Variants in NSRP1 observed in about 807,000 individuals in gnomAD.
The protein encoded by NSRP1 is nuclear speckle splicing regulatory protein 1, also known as coiled-coil domain containing 55.
NSRP1 carries 24 observed loss-of-function variants against 54.7 expected under a neutral mutation model. The observed-to-expected ratio is 0.44, with a 90% CI of 0.32 to 0.62. The LOEUF (loss-of-function observed/expected upper bound fraction) is 0.62. Among genes scored for constraint, NSRP1 ranks in the 20% least tolerant of loss-of-function variants. The probability of loss-of-function intolerance (pLI) is 0.06; values close to 1 mark genes in which losing one functional copy is unlikely to be tolerated. For missense variants in NSRP1, 596 were observed against 651.2 expected (o/e 0.92, Z 0.92); for synonymous variants, 210 against 213.8 (o/e 0.98, Z 0.15).
In NSRP1 at chr17:30,185,858, T is replaced by G. The variant is rs547873929; in HGVS notation, c.*184T>G. The G allele has an allele frequency of 3.5e-6, 2 of 573,296 alleles. No individual in the cohort carries two copies. The highest frequency in any genetic ancestry group is 5.7e-5 in the South Asian group (2 of 35,122). 35.5% of individuals were successfully genotyped at this position (573,296 alleles called of 1,614,324 possible). Reference sequence around the variant, plus strand: ...GTTTGGATGTGGATGTTTGGCTGAATTTATATATAGTGTGTACTCATCAAT... The same window carrying G: ...GTTTGGATGTGGATGTTTGGCTGAAGTTATATATAGTGTGTACTCATCAAT... On this transcript the variant is annotated 3_prime_UTR_variant, in exon 7 of 7. Transcript: ENST00000247026.
At chr17:30,177,989 T>C in intron 3 of NSRP1, 82 bp from the exon 4 acceptor site, 3 of 1,408,590 alleles carry the variant, frequency 2.1e-6, no homozygotes, top group Non-Finnish European at 3.0e-6. Flanking sequence ...TTTCAATTTA[T>C]GAACCATTCT....
At chr17:30,125,329 C>T (rs1597593524) in intron 2 of NSRP1, among the ~76,000 whole-genome samples, 1 of 152,126 alleles carries the variant, frequency 6.6e-6, no homozygotes, top group South Asian at 2.1e-4. Flanking sequence ...TTTCTTATTC[C>T]CCTCCTGAGG....
rs1255347301 is a variant in NSRP1, at chr17:30,118,072, A to G, written c.21-8A>G. On this transcript the variant is annotated splice_region_variant and splice_polypyrimidine_tract_variant and intron_variant, in intron 1 of 6. Transcript: ENST00000247026. Reference sequence around the variant, plus strand: ...GTTTAATTTCTATTTCAAAAAAAATATATGCAGGTATGGGCTTATTTTGCC... The same window carrying G: ...GTTTAATTTCTATTTCAAAAAAAATGTATGCAGGTATGGGCTTATTTTGCC... The G allele has an allele frequency of 3.1e-6, 5 of 1,606,504 alleles. No homozygotes were observed. The highest frequency in any genetic ancestry group is 1.3e-5 in the African/African-American group (1 of 74,484).
chr17:30,148,971 C>T (rs955313969), intron 2 of NSRP1, among the ~76,000 whole-genome samples: 1 of 151,954 alleles, frequency 6.6e-6, no homozygotes, highest in Non-Finnish European at 1.5e-5. Flanking sequence ...TAATTTCTGC[C>T]CATATGTTTA....
chr17:30,185,577 A>G lies in NSRP1; in HGVS notation c.1580A>G (p.Asn527Ser). ...GCAGTGAGCAAGTTTGCAAAGCGGA[A>G]CAATGAAGAAACTGTAATGTCAGCT... ...PEAVSKFAKR[N>S]NEETVMSARD... The change falls in exon 7 of 7, where the codon AAC (asparagine) becomes AGC (serine). Residue 527 changes from asparagine (N) to serine (S), a missense_variant. Coordinates refer to ENST00000247026, the MANE Select transcript of NSRP1 (RefSeq NM_032141.4). 6 of 1,614,192 alleles carry G rather than the reference A, an allele frequency of 3.7e-6. No individual in the cohort carries two copies. The highest frequency in any genetic ancestry group is 1.1e-5 in the South Asian group (1 of 91,082).
intron 6 of NSRP1, among the ~76,000 whole-genome samples, chr17:30,182,579 T>C (rs1905344994): frequency 6.6e-6 from 1 of 151,992 alleles, no homozygotes; most frequent in Non-Finnish European, 1.5e-5. Flanking sequence ...GAGGCGGAGA[T>C]TGCAGTGAGC....
At chr17:30,136,964 A>G (rs1210322076) in intron 2 of NSRP1, among the ~76,000 whole-genome samples, 1 of 152,184 alleles carries the variant, frequency 6.6e-6, no homozygotes, top group African/African-American at 2.4e-5. Flanking sequence ...ATTACTTGTA[A>G]TAATAGGTTA....
chr17:30,159,969 G>A (rs917121011), intron 2 of NSRP1, among the ~76,000 whole-genome samples: 1 of 152,096 alleles, frequency 6.6e-6, no homozygotes, highest in Non-Finnish European at 1.5e-5. Context: ...GCCAAGGTAT[G>A]TTTTTTCTGT....
In NSRP1 at chr17:30,126,576, G is replaced by A. The variant is rs547155631; in HGVS notation, c.114+8403G>A. On this transcript the variant is annotated intron_variant, in intron 2 of 6. Transcript: ENST00000247026. ...TATGAGCTCTATGAGTTAGGATCTG[G>A]CCATCTAGCCTAGCTTCGTATTTAT... Among the ~76,000 whole-genome samples the A allele has an allele frequency of 7.2e-5, 11 of 152,124 alleles. No individual in the cohort carries two copies. In the South Asian group the frequency reaches 2.3e-3, roughly 32 times the overall value.
intron 2 of NSRP1, among the ~76,000 whole-genome samples, chr17:30,127,255 T>C (rs973957215): frequency 1.9e-4 from 29 of 152,244 alleles, no homozygotes; most frequent in African/African-American, 7.0e-4. Context: ...TTTAGATGTT[T>C]ATCTATGATA....
intron 2 of NSRP1, among the ~76,000 whole-genome samples, chr17:30,165,542 G>A (rs144962556): frequency 5.3e-5 from 8 of 152,300 alleles, no homozygotes; most frequent in Middle Eastern, 3.4e-3. Context: ...AGAGACAAAC[G>A]TCTGTTCATT....
intron 2 of NSRP1, among the ~76,000 whole-genome samples, chr17:30,169,995 C>T (rs542281112): frequency 8.6e-5 from 13 of 151,854 alleles, no homozygotes; most frequent in East Asian, 1.9e-4. Context: ...TTTAAGACTT[C>T]GTTTTTTTTT....
chr17:30,138,464 C>T (rs1329036002), intron 2 of NSRP1, among the ~76,000 whole-genome samples: 1 of 152,132 alleles, frequency 6.6e-6, no homozygotes, highest in African/African-American at 2.4e-5. Flanking sequence ...CACGTTCTCC[C>T]ATATACTTTC....
At chr17:30,157,708 C>CT (rs1389593027) in intron 2 of NSRP1, among the ~76,000 whole-genome samples, 1 of 152,104 alleles carries the variant, frequency 6.6e-6, no homozygotes, top group Admixed American at 6.5e-5. Flanking sequence ...GTTCTATACT[C>CT]TATGTCCATG....
chr17:30,118,241 C>A, intron 2 of NSRP1, 68 bp downstream of exon 2: 1 of 1,175,824 alleles, frequency 8.5e-7, no homozygotes, highest in Non-Finnish European at 1.3e-6. Flanking sequence ...GAACTTGTGA[C>A]TCTGATACCT....
chr17:30,174,996 G>T (rs570760793), intron 3 of NSRP1, among the ~76,000 whole-genome samples: 1 of 152,106 alleles, frequency 6.6e-6, no homozygotes, highest in African/African-American at 2.4e-5. Context: ...TAATACCAAG[G>T]TTTGGCGAGC....
chr17:30,167,999 C>T (rs1211763817), intron 2 of NSRP1: 1 of 152,162 alleles, frequency 6.6e-6, no homozygotes, highest in Non-Finnish European at 1.5e-5. Flanking sequence ...ATAATAGCAA[C>T]ATAGGACACC....
At chr17:30,142,519 A>C (rs2071814980) in intron 2 of NSRP1, among the ~76,000 whole-genome samples, 1 of 151,930 alleles carries the variant, frequency 6.6e-6, no homozygotes, top group African/African-American at 2.4e-5. Context: ...AGTCGTAGAA[A>C]TGAAGTCTTG....
chr17:30,177,883 G>A (rs1905178989), intron 3 of NSRP1, 188 bp from the exon 4 acceptor site: 2 of 671,646 alleles, frequency 3.0e-6, no homozygotes, highest in Admixed American at 5.3e-5. Flanking sequence ...GGAGTAATTA[G>A]TAAGTGTAGA....
Sources: gnomAD v4.1 joint callset for allele counts (sites outside exome capture counted in the v4.1 genomes callset) on GRCh38, gnomAD v4.1.1 for gene constraint, MANE v1.5 for transcripts, NCBI Gene and HGNC (gene_info 2026-07-23, HGNC 2026-07-21) for gene names.